PVT1: variants seen among roughly 807,000 people sequenced by gnomAD.
PVT1 encodes CXCR4/PVT1 fusion.
At chr8:127,979,541 C>A (rs530764492) in intron 3 of PVT1, among the ~76,000 whole-genome samples, 2 of 152,310 alleles carry the variant, frequency 1.3e-5, no homozygotes, top group East Asian at 3.9e-4. Flanking sequence ...TATGGGATTC[C>A]TTTGGGATCA....
intron 4 of PVT1, among the ~76,000 whole-genome samples, chr8:128,027,162 G>A (rs1813312230): frequency 6.6e-6 from 1 of 152,148 alleles, no homozygotes; most frequent in Non-Finnish European, 1.5e-5. Context: ...TGAGGAAAAA[G>A]CCAGGCTCCG....
intron 4 of PVT1, among the ~76,000 whole-genome samples, chr8:127,991,086 C>T (rs555955032): frequency 6.6e-6 from 1 of 151,902 alleles, no homozygotes; most frequent in African/African-American, 2.4e-5. Context: ...TGTATGTCTA[C>T]AGCTGACAAG....
intron 2 of PVT1, among the ~76,000 whole-genome samples, chr8:127,889,381 C>T (rs11774158): frequency 0.15 from 23,075 of 151,676 alleles, 2,113 homozygotes; most frequent in East Asian, 0.38. Context: ...CCACCAGCCT[C>T]GGCATCACAA....
intron 4 of PVT1, among the ~76,000 whole-genome samples, chr8:128,013,221 G>T (rs1008543304): frequency 6.6e-6 from 1 of 152,148 alleles, no homozygotes; most frequent in South Asian, 2.1e-4. Context: ...GTAACATGGG[G>T]ATAATAATAC....
intron 2 of PVT1, among the ~76,000 whole-genome samples, chr8:127,877,517 T>A (rs191242577): frequency 7.0e-4 from 107 of 152,288 alleles, no homozygotes; most frequent in African/African-American, 2.4e-3. Flanking sequence ...AGGGGACACA[T>A]AGACAACCCA....
At chr8:127,996,259 T>C (rs1817102840) in intron 4 of PVT1, among the ~76,000 whole-genome samples, 1 of 152,060 alleles carries the variant, frequency 6.6e-6, no homozygotes, top group Non-Finnish European at 1.5e-5. Flanking sequence ...TTCCCAGGTA[T>C]AGGCCGGCTT....
chr8:127,868,794 C>T (rs201355091), intron 2 of PVT1, among the ~76,000 whole-genome samples: 323 of 8,696 alleles, frequency 0.037, 1 homozygote, highest in Middle Eastern at 0.17. Flanking sequence ...TATATATATA[C>T]ATATATATGT....
chr8:127,993,558 T>C (rs966807031), intron 4 of PVT1, among the ~76,000 whole-genome samples: 1 of 152,260 alleles, frequency 6.6e-6, no homozygotes, highest in African/African-American at 2.4e-5. Context: ...GAACATCAGC[T>C]CTTCTCCCCT....
At chr8:128,035,983 T>C (rs1050488844) in intron 4 of PVT1, among the ~76,000 whole-genome samples, 2 of 152,224 alleles carry the variant, frequency 1.3e-5, no homozygotes, top group Admixed American at 6.5e-5. Context: ...AGGATAAATT[T>C]GTGTTGTTAT....
At chr8:127,891,703 T>C (rs1022896372) in intron 3 of PVT1, among the ~76,000 whole-genome samples, 9 of 152,220 alleles carry the variant, frequency 5.9e-5, no homozygotes, top group African/African-American at 1.9e-4. Context: ...TGGACATTTC[T>C]TGGCCCTGAT....
At chr8:127,913,814 G>A (rs539004168) in intron 3 of PVT1, among the ~76,000 whole-genome samples, 6 of 152,080 alleles carry the variant, frequency 3.9e-5, no homozygotes, top group African/African-American at 9.6e-5. Flanking sequence ...CGAAAGTGCC[G>A]TTTCCCACCC....
Position 127,989,650 on chromosome 8 carries a change from A to G in PVT1, n.912+359A>G, listed in dbSNP as rs1586470021. Among the ~76,000 whole-genome samples, 3 of 152,082 alleles carry G rather than the reference A, an allele frequency of 2.0e-5. No individual in the cohort carries two copies. In the South Asian group the frequency reaches 6.2e-4, roughly 32 times the overall value. On this transcript the variant is annotated intron_variant and non_coding_transcript_variant, in intron 4 of 10. Transcript: ENST00000651587. ...GGAAAAGGTGAGGTGAGGGTTATAT[A>G]ATCAGATTGAAACACCTTTGGGACA... is the stretch of plus-strand genomic sequence containing the variant.
At chr8:128,028,691 G>C (rs757102820) in intron 4 of PVT1, among the ~76,000 whole-genome samples, 11 of 152,192 alleles carry the variant, frequency 7.2e-5, no homozygotes, top group Non-Finnish European at 1.3e-4. Flanking sequence ...AATACTGTAG[G>C]TTAGCACATT....
At chr8:128,080,758 G>C (rs568100031) in intron 5 of PVT1, among the ~76,000 whole-genome samples, 11 of 152,190 alleles carry the variant, frequency 7.2e-5, no homozygotes, top group Middle Eastern at 3.4e-3. Flanking sequence ...TTGTGGCTTT[G>C]GTGTTGTATC....
At chr8:128,008,972 C>T (rs763573029) in intron 4 of PVT1, 2 of 513,708 alleles carry the variant, frequency 3.9e-6, no homozygotes, top group Non-Finnish European at 8.2e-6. Context: ...TTATGCTCGC[C>T]ACACAATTGC....
At chr8:127,956,577 T>C (rs886790664) in intron 3 of PVT1, among the ~76,000 whole-genome samples, 8 of 152,218 alleles carry the variant, frequency 5.3e-5, no homozygotes, top group African/African-American at 1.9e-4. Flanking sequence ...CTCTGCCTCC[T>C]GAGTTCAAGC....
At chr8:128,093,373 C>T (rs529531326) in intron 5 of PVT1, among the ~76,000 whole-genome samples, 1 of 152,176 alleles carries the variant, frequency 6.6e-6, no homozygotes, top group East Asian at 2.0e-4. Context: ...GCCTGGCAAA[C>T]ATGGTGAAAC....
chr8:127,839,216 G>T (rs1452313356), intron 2 of PVT1, among the ~76,000 whole-genome samples: 3 of 152,158 alleles, frequency 2.0e-5, no homozygotes, highest in East Asian at 1.9e-4. Flanking sequence ...AGGAGCTGTG[G>T]CAAGAAATTG....
chr8:127,871,686 C>A (rs1815352959), intron 2 of PVT1, among the ~76,000 whole-genome samples: 1 of 152,218 alleles, frequency 6.6e-6, no homozygotes, highest in Non-Finnish European at 1.5e-5. Flanking sequence ...AGAGGAATAT[C>A]TGCAAGTTCT....
Sources: allele counts gnomAD v4.1 joint callset (sites outside exome capture counted in the v4.1 genomes callset), GRCh38; gene constraint gnomAD v4.1.1; transcripts MANE v1.5; gene names NCBI Gene and HGNC (gene_info 2026-07-23, HGNC 2026-07-21).